DENND4A: variants seen among roughly 807,000 people sequenced by gnomAD.
DENND4A encodes the protein DENN domain containing 4A, also known as C-myc promoter-binding protein.
In DENND4A, 70 loss-of-function variants were observed where a neutral mutation model predicts 199.3. That is an observed-to-expected ratio of 0.35 (90% CI 0.29 to 0.43). The LOEUF (loss-of-function observed/expected upper bound fraction) is 0.43. Ranked by LOEUF, DENND4A falls within the 20% of genes least tolerant of loss-of-function variation. The pLI is 1.00. For missense variants in DENND4A, 1,723 were observed against 2,255.8 expected (o/e 0.76, Z 4.78); for synonymous variants, 686 against 766.9 (o/e 0.89, Z 1.74).
At chr15:65,748,992 C>G (rs2140565502) in intron 4 of DENND4A, among the ~76,000 whole-genome samples, 1 of 141,378 alleles carries the variant, frequency 7.1e-6, no homozygotes, top group African/African-American at 2.6e-5. Context: ...GACCCTGTCT[C>G]TAAAAAAAAA....
chr15:65,732,858 C>G lies in DENND4A; in HGVS notation c.1041-40G>C, dbSNP rs558770724. ...AAAGTGTAAGTGATTCCAAAGTGAA[C>G]GTCATATGCTATAAAGCTCAACATG... On this transcript the variant is annotated intron_variant, in intron 7 of 32. Coordinates refer to ENST00000443035, the MANE Select transcript of DENND4A (RefSeq NM_001320835.1). 3 of 1,223,274 alleles carry G rather than the reference C, an allele frequency of 2.5e-6. No individual in the cohort carries two copies. In the South Asian group the frequency reaches 3.8e-5, roughly 16 times the overall value. The allele number at this position is 1,223,274 out of a possible 1,614,324, so 75.8% of individuals were successfully genotyped here. A position where few individuals can be genotyped will look rare whatever the true frequency, so the allele number is the denominator to read the frequency against.
intron 7 of DENND4A, among the ~76,000 whole-genome samples, chr15:65,733,435 A>T (rs1310744463): frequency 6.6e-6 from 1 of 152,108 alleles, no homozygotes; most frequent in Non-Finnish European, 1.5e-5. Context: ...TTTTTTAAAA[A>T]TTTTTGTTCC....
chr15:65,735,950 G>A (rs1157958592), intron 7 of DENND4A, among the ~76,000 whole-genome samples: 2 of 152,114 alleles, frequency 1.3e-5, no homozygotes, highest in African/African-American at 4.8e-5. Flanking sequence ...AATTAGACAA[G>A]CATGGTGGCA....
At chr15:65,768,364 AC>A (rs1286417567) in intron 1 of DENND4A, among the ~76,000 whole-genome samples, 4 of 152,102 alleles carry the variant, frequency 2.6e-5, no homozygotes, top group African/African-American at 9.7e-5. Flanking sequence ...AATATAACAC[AC>A]ATATAGAAAA....
chr15:65,687,129 T>C (rs1020130112), intron 23 of DENND4A, among the ~76,000 whole-genome samples: 2 of 152,242 alleles, frequency 1.3e-5, no homozygotes, highest in African/African-American at 2.4e-5. Context: ...TGTAAGACTA[T>C]TTGAATATTT....
chr15:65,708,181 T>C (rs1164700088), intron 14 of DENND4A, among the ~76,000 whole-genome samples: 2 of 152,078 alleles, frequency 1.3e-5, no homozygotes, highest in African/African-American at 4.8e-5. Context: ...TTCTTTCTTT[T>C]TTTTTGGTAG....
At chr15:65,779,881 CCA>C (rs1044632623) in intron 1 of DENND4A, among the ~76,000 whole-genome samples, 4 of 151,910 alleles carry the variant, frequency 2.6e-5, no homozygotes, top group African/African-American at 9.7e-5. Context: ...CAGGCGTGAG[CCA>C]CAGTGTCTGG....
At chr15:65,769,516 G>A (rs1015852286) in intron 1 of DENND4A, among the ~76,000 whole-genome samples, 1 of 152,080 alleles carries the variant, frequency 6.6e-6, no homozygotes, top group African/African-American at 2.4e-5. Flanking sequence ...TAGATTATCA[G>A]ATACGCAAAT....
chr15:65,667,428 T>G (rs1173952969), intron 29 of DENND4A, 21 bp downstream of exon 29: 1 of 1,609,446 alleles, frequency 6.2e-7, no homozygotes, highest in African/African-American at 1.3e-5. Flanking sequence ...ATTCATTGCC[T>G]TTTAATTTTT....
At chr15:65,776,884 C>T (rs913116912) in intron 1 of DENND4A, among the ~76,000 whole-genome samples, 5 of 152,130 alleles carry the variant, frequency 3.3e-5, no homozygotes, top group African/African-American at 1.2e-4. Context: ...AAGAAAATAG[C>T]TGCATGGGGC....
At chr15:65,712,037 C>T (rs1474316122) in intron 14 of DENND4A, among the ~76,000 whole-genome samples, 1 of 152,186 alleles carries the variant, frequency 6.6e-6, no homozygotes, top group Non-Finnish European at 1.5e-5. Flanking sequence ...CCATTTATAA[C>T]AGTGTTTCTA....
intron 23 of DENND4A, among the ~76,000 whole-genome samples, chr15:65,679,331 G>C (rs1187218177): frequency 2.0e-5 from 3 of 149,688 alleles, no homozygotes; most frequent in Non-Finnish European, 4.5e-5. Context: ...TCCATCTCCT[G>C]ACCTTGTGAT....
intron 4 of DENND4A, among the ~76,000 whole-genome samples, chr15:65,742,218 C>T (rs543027322): frequency 5.6e-4 from 86 of 152,276 alleles, no homozygotes; most frequent in Middle Eastern, 3.4e-3. Flanking sequence ...TTCCTTATTT[C>T]CTACTTTCTC....
intron 24 of DENND4A, among the ~76,000 whole-genome samples, chr15:65,672,821 A>G (rs142321795): frequency 2.6e-5 from 4 of 152,116 alleles, no homozygotes; most frequent in African/African-American, 9.6e-5. Flanking sequence ...TACCTTCTCA[A>G]CACATGTTTT....
chr15:65,737,988 T>C (rs377099870), intron 6 of DENND4A, 43 bp from the exon 7 acceptor site: 45 of 1,512,924 alleles, frequency 3.0e-5, no homozygotes, highest in Non-Finnish European at 3.8e-5. Flanking sequence ...CTTTGTATCA[T>C]ATATCCAAAT....
At position 65,717,761 on chromosome 15, in the gene DENND4A, A is replaced by G. The variant is rs777826593; in HGVS notation, c.1807+17T>C. The G allele has an allele frequency of 1.3e-6, 2 of 1,567,804 alleles. No individual in the cohort carries two copies. The highest frequency in any genetic ancestry group is 1.7e-6 in the Non-Finnish European group (2 of 1,156,496). ...AGCTCAATAACCTGAAAGCTTTAAA[A>G]CTATGCAGTCACTCACCTTGTAGGG... On this transcript the variant is annotated intron_variant, in intron 13 of 32. Transcript: ENST00000443035.
rs1422456873 is a variant in DENND4A at position 65,738,656 on chromosome 15, T to C, written c.801+50A>G. 2.0e-6 allele frequency: 3 copies of C among 1,524,676 alleles called. No homozygotes were observed. The Admixed American group carries it at 5.8e-5, about 30-fold the overall frequency. 94.4% of individuals were successfully genotyped at this position (1,524,676 alleles called of 1,614,324 possible). ...TACTATTCCTTGCATTATAGAAAAC[T>C]TGAAAATGTACAAGAAATTTGTAGA... is the stretch of plus-strand genomic sequence containing the variant. On this transcript the variant is annotated intron_variant, in intron 6 of 32. Coordinates refer to ENST00000443035, the MANE Select transcript of DENND4A (RefSeq NM_001320835.1).
intron 14 of DENND4A, among the ~76,000 whole-genome samples, chr15:65,711,727 GT>G (rs1247759868): frequency 2.0e-5 from 3 of 152,164 alleles, no homozygotes; most frequent in Non-Finnish European, 4.4e-5. Flanking sequence ...CATCAATGGT[GT>G]ATCTACTGTT....
At chr15:65,692,617 T>A (rs2077012173) in intron 22 of DENND4A, among the ~76,000 whole-genome samples, 2 of 152,270 alleles carry the variant, frequency 1.3e-5, no homozygotes, top group South Asian at 4.1e-4. Context: ...TATTACTTAA[T>A]AAGGATATAC....
Sources: allele counts gnomAD v4.1 joint callset (sites outside exome capture counted in the v4.1 genomes callset), GRCh38; gene constraint gnomAD v4.1.1; transcripts MANE v1.5; gene names NCBI Gene and HGNC (gene_info 2026-07-23, HGNC 2026-07-21).